The following RNF220 variants were observed in gnomAD, a reference collection of about 807,000 sequenced individuals.
The protein encoded by RNF220 is ring finger protein 220, also known as E3 ubiquitin-protein ligase RNF220.
Under a neutral mutation model 67.1 loss-of-function variants are expected in RNF220, and 7 were observed. That is an observed-to-expected ratio of 0.10 (90% CI 0.06 to 0.20). The LOEUF (loss-of-function observed/expected upper bound fraction) is 0.20, where lower values mean the gene tolerates loss of function less well. RNF220 is among the 10% of genes least tolerant of loss of function. The probability of loss-of-function intolerance (pLI) is 1.00; values close to 1 mark genes in which losing one functional copy is unlikely to be tolerated. For missense variants in RNF220, 565 were observed against 740.3 expected, an observed-to-expected ratio of 0.76 and a Z score of 2.75; for synonymous variants, 270 against 283.2, an observed-to-expected ratio of 0.95 and a Z score of 0.47.
At chr1:44,469,068 G>A (rs577131791) in intron 2 of RNF220, among the ~76,000 whole-genome samples, 15 of 152,190 alleles carry the variant, frequency 9.9e-5, no homozygotes, top group Non-Finnish European at 2.2e-4. Flanking sequence ...TAACAGAAGA[G>A]GGTAAAGGAT....
intron 1 of RNF220, 96 bp downstream of exon 1, chr1:44,405,626 G>A (rs1207113686): frequency 1.5e-5 from 4 of 275,022 alleles, no homozygotes; most frequent in Admixed American, 5.5e-5. Context: ...CTAACTTTCC[G>A]GGTCCGTTTC....
intron 2 of RNF220, among the ~76,000 whole-genome samples, chr1:44,505,693 G>A (rs370851057): frequency 2.6e-5 from 4 of 152,194 alleles, no homozygotes; most frequent in Admixed American, 1.3e-4. Context: ...TGCGATAATT[G>A]CTTCACTGCT....
chr1:44,428,344 G>A (rs1193182295), intron 2 of RNF220, among the ~76,000 whole-genome samples: 1 of 152,222 alleles, frequency 6.6e-6, no homozygotes, highest in Non-Finnish European at 1.5e-5. Flanking sequence ...GGATGAGGAG[G>A]TGACAGAATG....
chr1:44,590,377 T>C (rs1666031609), intron 2 of RNF220, among the ~76,000 whole-genome samples: 1 of 152,214 alleles, frequency 6.6e-6, no homozygotes, highest in Non-Finnish European at 1.5e-5. Flanking sequence ...TGTGGTCCTG[T>C]GCTCTCCATG....
intron 6 of RNF220, 148 bp downstream of exon 6, chr1:44,632,533 C>A: frequency 1.3e-6 from 1 of 753,974 alleles, no homozygotes; most frequent in Non-Finnish European, 2.2e-6. Flanking sequence ...ATGTGCAAAC[C>A]AAAGCTGCCG....
chr1:44,542,816 G>A (rs929617365), intron 2 of RNF220, among the ~76,000 whole-genome samples: 17 of 152,202 alleles, frequency 1.1e-4, no homozygotes, highest in Non-Finnish European at 2.4e-4. Flanking sequence ...TAGCAAATTG[G>A]GCTGACCAAA....
intron 2 of RNF220, among the ~76,000 whole-genome samples, chr1:44,512,537 A>C (rs191727500): frequency 2.4e-3 from 364 of 152,272 alleles, no homozygotes; most frequent in African/African-American, 8.0e-3. Context: ...GTGGCTCCTC[A>C]TGGTAATGAT....
chr1:44,465,993 T>G (rs1476225812), intron 2 of RNF220, among the ~76,000 whole-genome samples: 2 of 152,214 alleles, frequency 1.3e-5, no homozygotes, highest in Admixed American at 6.5e-5. Context: ...TTTGCCACAT[T>G]GACTTTTTAT....
intron 2 of RNF220, among the ~76,000 whole-genome samples, chr1:44,466,623 G>T (rs1654293962): frequency 6.6e-6 from 1 of 152,226 alleles, no homozygotes; most frequent in Admixed American, 6.5e-5. Context: ...AATGGATGTT[G>T]TGTTAGCGGG....
chr1:44,635,817 C>G, intron 7 of RNF220: 1 of 1,288,364 alleles, frequency 7.8e-7, no homozygotes, highest in South Asian at 1.5e-5. Context: ...TTTGCTTTCA[C>G]TCTCACTCAT....
At chr1:44,581,318 C>G (rs959123915) in intron 2 of RNF220, among the ~76,000 whole-genome samples, 6 of 152,214 alleles carry the variant, frequency 3.9e-5, no homozygotes, top group African/African-American at 1.4e-4. Flanking sequence ...CCTGTTTCAG[C>G]CTCTACGCCG....
intron 2 of RNF220, among the ~76,000 whole-genome samples, chr1:44,577,079 T>C (rs1664862840): frequency 6.6e-6 from 1 of 152,188 alleles, no homozygotes; most frequent in African/African-American, 2.4e-5. Context: ...CAGATTCAAA[T>C]AGTCAAGACA....
chr1:44,518,851 G>A (rs1269453074), intron 2 of RNF220, among the ~76,000 whole-genome samples: 3 of 151,512 alleles, frequency 2.0e-5, no homozygotes, highest in African/African-American at 7.3e-5. Flanking sequence ...CTCTAGCCTG[G>A]GCAACAGAGC....
chr1:44,511,009 G>A (rs895468009), intron 2 of RNF220, among the ~76,000 whole-genome samples: 1 of 152,192 alleles, frequency 6.6e-6, no homozygotes, highest in Non-Finnish European at 1.5e-5. Context: ...GAACACTCTC[G>A]CAGTGGGGGG....
chr1:44,453,113 A>T (rs1178715607), intron 2 of RNF220, among the ~76,000 whole-genome samples: 1 of 152,036 alleles, frequency 6.6e-6, no homozygotes, highest in Non-Finnish European at 1.5e-5. Flanking sequence ...ATGTCTTTCT[A>T]TTTGGTTATA....
chr1:44,411,573 T>G (rs2147802917), intron 1 of RNF220, among the ~76,000 whole-genome samples: 1 of 152,266 alleles, frequency 6.6e-6, no homozygotes, highest in South Asian at 2.1e-4. Flanking sequence ...TAGAATGTGG[T>G]CTCTGAACAT....
intron 2 of RNF220, among the ~76,000 whole-genome samples, chr1:44,469,248 T>G (rs777243810): frequency 1.3e-5 from 2 of 152,320 alleles, no homozygotes; most frequent in South Asian, 2.1e-4. Flanking sequence ...TTATTAAGGT[T>G]GTTGTTAAGG....
intron 6 of RNF220, among the ~76,000 whole-genome samples, chr1:44,633,868 A>G (rs1356503854): frequency 2.0e-5 from 3 of 152,192 alleles, no homozygotes; most frequent in African/African-American, 4.8e-5. Context: ...CCCTGGCTCT[A>G]GAGTGTCAAG....
chr1:44,586,984 T>TC (rs944901318), intron 2 of RNF220, among the ~76,000 whole-genome samples: 1 of 151,980 alleles, frequency 6.6e-6, no homozygotes, highest in African/African-American at 2.4e-5. Flanking sequence ...TGAAATATTG[T>TC]CCCCCTCCAG....
Sources: allele counts gnomAD v4.1 joint callset (sites outside exome capture counted in the v4.1 genomes callset), GRCh38; gene constraint gnomAD v4.1.1; transcripts MANE v1.5; gene names NCBI Gene and HGNC (gene_info 2026-07-23, HGNC 2026-07-21).